ATP6V1B1: variants seen among roughly 807,000 people sequenced by gnomAD.
ATP6V1B1 encodes ATPase H+ transporting V1 subunit B1, also known as V-type proton ATPase subunit B, kidney isoform.
A neutral mutation model predicts 62.1 loss-of-function variants in ATP6V1B1; 41 were observed. The ratio of observed to expected loss-of-function variants is 0.66; its 90% CI spans 0.51 to 0.86. The LOEUF is 0.86. Among genes scored for constraint, ATP6V1B1 ranks in the 40% least tolerant of loss-of-function variants. The probability of loss-of-function intolerance (pLI) is 0.00; values close to 1 mark genes in which losing one functional copy is unlikely to be tolerated. For missense variants in ATP6V1B1, 651 were observed against 697.5 expected, an observed-to-expected ratio of 0.93 and a Z score of 0.75; for synonymous variants, 253 against 273.4, an observed-to-expected ratio of 0.93 and a Z score of 0.74.
chr2:70,941,155 T>C, intron 1 of ATP6V1B1: 1 of 655,288 alleles, frequency 1.5e-6, no homozygotes, highest in Non-Finnish European at 1.9e-6. Flanking sequence ...TGGGCTCAAG[T>C]GATCCACCCA....
chr2:70,935,938 C>T lies in ATP6V1B1; in HGVS notation c.-17C>T, dbSNP rs202030952. 3.4e-4 allele frequency: 547 copies of T among 1,605,966 alleles called. 1 individual carries two copies. The African/African-American group carries it at 6.6e-3, about 19-fold the overall frequency. Reference sequence around the variant, plus strand: ...GCAGCAGGCTCAGACACTGGGCTCCCAGCTGGGGACTGCTCCATGGCCATG... The same window carrying T: ...GCAGCAGGCTCAGACACTGGGCTCCTAGCTGGGGACTGCTCCATGGCCATG... On this transcript the variant is annotated 5_prime_UTR_variant, in exon 1 of 14. Transcript: ENST00000234396.
chr2:70,963,294 C>T lies in ATP6V1B1; in HGVS notation c.1042C>T (p.Leu348Phe), dbSNP rs1553420445. Reference protein sequence around the residue: ...RGGSITQIPILTMPNDDITHP... With the variant: ...RGGSITQIPIFTMPNDDITHP... ...AGGATCCATCACACAGATCCCCATCCTCACCATGCCCAACGACGGTAGCCT... is the reference window on the plus strand; with the variant it reads ...AGGATCCATCACACAGATCCCCATCTTCACCATGCCCAACGACGGTAGCCT... The change falls in exon 10 of 14, where the codon CTC becomes TTC. Residue 348 changes from leucine to phenylalanine, a missense_variant. Transcript: ENST00000234396. The surrounding 1 kb of genome is among the most constrained non-coding windows in gnomAD (Gnocchi z 4.3). 2.5e-6 allele frequency: 4 copies of T among 1,613,424 alleles called. No individual in the cohort carries two copies. Among genetic ancestry groups the T allele is most frequent in the Non-Finnish European group, 3.4e-6 (4 of 1,180,020 alleles).
At position 70,936,007 on chromosome 2, in the gene ATP6V1B1, AC is replaced by A; in HGVS notation, c.55del (p.Leu19Ter). The A allele has an allele frequency of 6.2e-7, 1 of 1,613,974 alleles. No homozygotes were observed. Among genetic ancestry groups the A allele is most frequent in the Non-Finnish European group, 8.5e-7 (1 of 1,179,922 alleles). On this transcript the variant is annotated frameshift_variant, in exon 1 of 14. Transcript: ENST00000234396. LOFTEE classifies it high-confidence loss of function. The part of the protein sequence containing the change: ...RPGGLPGSSC[N>X]LGAAREHMQA... ...GGGGGGCTCCCCGGCAGTAGCTGCAACCTAGGTGCAGCCCGAGAACACATGC... is the reference window on the plus strand; with the variant it reads ...GGGGGGCTCCCCGGCAGTAGCTGCAACTAGGTGCAGCCCGAGAACACATGC...
chr2:70,945,489 A>G (rs1217225879), intron 2 of ATP6V1B1, among the ~76,000 whole-genome samples: 1 of 108,584 alleles, frequency 9.2e-6, no homozygotes, highest in East Asian at 7.3e-4. Flanking sequence ...AAGAGGATAG[A>G]GTATGTAGAA....
chr2:70,939,481 T>C (rs1553416078), intron 1 of ATP6V1B1: 1 of 152,238 alleles, frequency 6.6e-6, no homozygotes, highest in East Asian at 1.9e-4. Context: ...CAGGATACCG[T>C]CTTGAACTGT....
chr2:70,939,549 A>G (rs1679934987), intron 1 of ATP6V1B1: 1 of 152,296 alleles, frequency 6.6e-6, no homozygotes, highest in African/African-American at 2.4e-5. Context: ...ACTCCATGCA[A>G]GGGACACACG....
At position 70,948,036 on chromosome 2, in the gene ATP6V1B1, TA is replaced by T. The variant is rs567631087; in HGVS notation, c.174+4326del. Among the ~76,000 whole-genome samples the T allele has an allele frequency of 1.3e-3, 205 of 152,282 alleles. 3 individuals are homozygous for T. Among genetic ancestry groups the T allele is most frequent in the Middle Eastern group, 6.8e-3 (2 of 294 alleles). ...CACACTTAGAGCCTGGGGCTCTTCC[TA>T]AAGGTTCCAGACACTACACCCTCCA... is the stretch of plus-strand genomic sequence containing the variant. On this transcript the variant is annotated intron_variant, in intron 2 of 13. Transcript: ENST00000234396.
chr2:70,940,481 C>T (rs552482069), intron 1 of ATP6V1B1: 26 of 985,314 alleles, frequency 2.6e-5, no homozygotes, highest in Non-Finnish European at 3.1e-5. Flanking sequence ...CTCCTGCCTG[C>T]CCTGCATCCC....
chr2:70,950,298 T>C (rs1553418062), intron 2 of ATP6V1B1, among the ~76,000 whole-genome samples: 2 of 152,194 alleles, frequency 1.3e-5, no homozygotes, highest in Non-Finnish European at 2.9e-5. Context: ...CATAACTACT[T>C]TGGCTATTCT....
chr2:70,950,932 A>ATTTTTTTTTTTTTT (rs55871344), intron 2 of ATP6V1B1, among the ~76,000 whole-genome samples: 3 of 64,604 alleles, frequency 4.6e-5, no homozygotes, highest in East Asian at 5.0e-4. Context: ...TTTTTTCCTG[A>ATTTTTTTTTTTTTT]TTTTTTTTTT....
chr2:70,938,804 G>A lies in ATP6V1B1; in HGVS notation c.118+2732G>A, dbSNP rs185750022. 3,170 of 985,098 alleles carry A rather than the reference G, an allele frequency of 3.2e-3. 5 individuals carry two copies. Among genetic ancestry groups the A allele is most frequent in the Non-Finnish European group, 3.6e-3 (3,009 of 829,638 alleles). The allele number at this position is 985,098 out of a possible 1,614,324, so 61.0% of individuals were successfully genotyped here. A position where few individuals can be genotyped will look rare whatever the true frequency, so the allele number is the denominator to read the frequency against. On this transcript the variant is annotated intron_variant, in intron 1 of 13. Coordinates refer to ENST00000234396, the MANE Select transcript of ATP6V1B1 (RefSeq NM_001692.4). ...GATGTTGGGCTTGGAGGGTGGAGGT[G>A]CCCAGCAGGAGCAAAGGTCAGGAAG...
At chr2:70,964,680 T>A in intron 12 of ATP6V1B1, 56 bp from the exon 13 acceptor site, 1 of 1,612,790 alleles carries the variant, frequency 6.2e-7, no homozygotes. Flanking sequence ...GGTTGGGGGC[T>A]ACTGGACTCC....
At chr2:70,938,039 G>C (rs1679900381) in intron 1 of ATP6V1B1, among the ~76,000 whole-genome samples, 1 of 152,164 alleles carries the variant, frequency 6.6e-6, no homozygotes, top group Non-Finnish European at 1.5e-5. Context: ...GGTCAGTGCA[G>C]GGGAGCCCCT....
At chr2:70,942,342 C>T (rs557642431) in intron 1 of ATP6V1B1, 30 of 398,644 alleles carry the variant, frequency 7.5e-5, no homozygotes, top group East Asian at 3.6e-4. Flanking sequence ...CCTCAAGGCC[C>T]GGAGTTTTCC....
intron 1 of ATP6V1B1, chr2:70,940,744 G>A: frequency 1.0e-6 from 1 of 985,434 alleles, no homozygotes; most frequent in Non-Finnish European, 1.2e-6. Context: ...CTTTAGGCTG[G>A]TCAATGGGAC....
At chr2:70,949,772 T>C (rs1194793825) in intron 2 of ATP6V1B1, among the ~76,000 whole-genome samples, 8 of 152,234 alleles carry the variant, frequency 5.3e-5, no homozygotes, top group Non-Finnish European at 1.0e-4. Flanking sequence ...TCCTTGTTTA[T>C]TGCTCACAGG....
At chr2:70,949,640 C>T (rs1252994499) in intron 2 of ATP6V1B1, among the ~76,000 whole-genome samples, 6 of 152,142 alleles carry the variant, frequency 3.9e-5, no homozygotes, top group Non-Finnish European at 8.8e-5. Context: ...AGTACTGTCT[C>T]GCTTTTATTT....
At chr2:70,954,422 G>A (rs1680388806) in intron 2 of ATP6V1B1, among the ~76,000 whole-genome samples, 1 of 152,062 alleles carries the variant, frequency 6.6e-6, no homozygotes, top group African/African-American at 2.4e-5. Flanking sequence ...TACTTTTATG[G>A]TCAGAGAATA....
rs782637168 is a variant in ATP6V1B1, at chr2:70,963,336, C to G, written c.1060+24C>G. The G allele has an allele frequency of 6.2e-7, 1 of 1,612,514 alleles. No homozygotes were observed. Among genetic ancestry groups the G allele is most frequent in the South Asian group, 1.1e-5 (1 of 91,080 alleles). ...CGGTAGCCTCCTCACAGCCCACTAC[C>G]CTCCAGAGCTCCCCTGTCCTCCCTT... On this transcript the variant is annotated intron_variant, in intron 10 of 13. Coordinates refer to ENST00000234396, the MANE Select transcript of ATP6V1B1 (RefSeq NM_001692.4). This position sits in a 1 kb window ranked among gnomAD's most constrained non-coding sequence, Gnocchi z 4.3.
Sources: allele counts gnomAD v4.1 joint callset (sites outside exome capture counted in the v4.1 genomes callset), GRCh38; gene constraint gnomAD v4.1.1; non-coding constraint Gnocchi (gnomAD v3.1); transcripts MANE v1.5; gene names NCBI Gene and HGNC (gene_info 2026-07-23, HGNC 2026-07-21).